The following FAM20A variants were observed in gnomAD, a reference collection of about 807,000 sequenced individuals.
FAM20A encodes the protein pseudokinase FAM20A.
Under a neutral mutation model 52.0 loss-of-function variants are expected in FAM20A, and 42 were observed. That is an observed-to-expected ratio of 0.81 (90% CI 0.63 to 1.04). The LOEUF (loss-of-function observed/expected upper bound fraction) is 1.04. FAM20A is among the 50% of genes least tolerant of loss of function. The pLI is 0.00. For missense variants in FAM20A, 742 were observed against 712.7 expected (o/e 1.04, Z -0.47); for synonymous variants, 304 against 298.9 (o/e 1.02, Z -0.18).
intron 6 of FAM20A, among the ~76,000 whole-genome samples, chr17:68,542,435 C>T (rs1336893912): frequency 1.3e-5 from 2 of 152,136 alleles, no homozygotes; most frequent in Admixed American, 1.3e-4. Flanking sequence ...GGTGGATAAC[C>T]TCTGGTTCCG....
Position 68,554,008 on chromosome 17 carries a change from A to G in FAM20A, c.640+769T>C, listed in dbSNP as rs568542844. 4.1e-5 allele frequency among the ~76,000 whole-genome samples: 3 copies of G among 72,624 alleles called. No homozygotes were observed. In the East Asian group the frequency reaches 1.1e-3, roughly 26 times the overall value. The allele number at this position is 72,624 out of a possible 152,430, so 47.6% of individuals were successfully genotyped here. On this transcript the variant is annotated intron_variant, in intron 3 of 10. Transcript: ENST00000592554. ...TATATACATATACACACATATATGCATATATACATATATACATATATACAC... is the reference window on the plus strand; with the variant it reads ...TATATACATATACACACATATATGCGTATATACATATATACATATATACAC...
intron 1 of FAM20A, among the ~76,000 whole-genome samples, chr17:68,562,007 A>C (rs2087228749): frequency 6.6e-6 from 1 of 152,086 alleles, no homozygotes; most frequent in Admixed American, 6.6e-5. Flanking sequence ...TTTTTTCAGT[A>C]GAGACGGGGT....
intron 7 of FAM20A, chr17:68,541,159 TTAA>T: frequency 1.5e-6 from 1 of 672,166 alleles, no homozygotes; most frequent in Non-Finnish European, 2.4e-6. Context: ...CCTGGGTCCT[TTAA>T]GTCTGGTGGA....
chr17:68,585,788 C>T (rs2088150233), intron 1 of FAM20A, among the ~76,000 whole-genome samples: 1 of 152,172 alleles, frequency 6.6e-6, no homozygotes, highest in African/African-American at 2.4e-5. Flanking sequence ...TGGGACATGA[C>T]TTTGGAATTT....
At chr17:68,592,514 G>C (rs2088341445) in intron 1 of FAM20A, among the ~76,000 whole-genome samples, 1 of 152,156 alleles carries the variant, frequency 6.6e-6, no homozygotes, top group Non-Finnish European at 1.5e-5. Flanking sequence ...ACAACCTGTG[G>C]AGCTCAACCT....
rs747654899 is a variant in FAM20A at position 68,550,369 on chromosome 17, C to CTTTTTTT, written c.719+1497_719+1503dup. 2.0e-4 allele frequency among the ~76,000 whole-genome samples: 16 copies of CTTTTTTT among 79,390 alleles called. 1 individual carries two copies. The highest frequency in any genetic ancestry group is 1.4e-3 in the East Asian group (3 of 2,144). 52.1% of individuals were successfully genotyped at this position (79,390 alleles called of 152,430 possible). On this transcript the variant is annotated intron_variant, in intron 4 of 10. Transcript: ENST00000592554. Reference sequence around the variant, plus strand: ...CTTTCACATAGGAAAAATGGGGGAACTTTTTTTTTTTTTTTTTTTTTTTTT... The same window carrying CTTTTTTT: ...CTTTCACATAGGAAAAATGGGGGAACTTTTTTTTTTTTTTTTTTTTTTTTTTTTTTTT...
intron 4 of FAM20A, chr17:68,551,153 T>C: frequency 8.1e-7 from 1 of 1,231,036 alleles, no homozygotes; most frequent in Non-Finnish European, 1.0e-6. Context: ...TAGGAGACCC[T>C]AACCTGTGGG....
chr17:68,565,425 G>T, intron 1 of FAM20A, among the ~76,000 whole-genome samples: 4 of 103,876 alleles, frequency 3.9e-5, no homozygotes, highest in East Asian at 2.9e-4. Flanking sequence ...ATGGAGTCTT[G>T]CTCTGTCACC....
At chr17:68,539,623 C>G (rs2086201468) in intron 9 of FAM20A, among the ~76,000 whole-genome samples, 3 of 152,246 alleles carry the variant, frequency 2.0e-5, no homozygotes, top group Non-Finnish European at 4.4e-5. Context: ...AGAGGGCCAG[C>G]CACTGAGGAT....
chr17:68,577,100 T>G (rs1413439302), intron 1 of FAM20A, among the ~76,000 whole-genome samples: 1 of 152,148 alleles, frequency 6.6e-6, no homozygotes, highest in Non-Finnish European at 1.5e-5. Context: ...AACATCTAGC[T>G]CCACACAAAT....
In FAM20A at chr17:68,539,483, A is replaced by T. The variant is rs1600516421; in HGVS notation, c.1302-87T>A. The stretch of plus-strand genomic sequence containing the variant: ...TCCTCTCTCCTCTCAGCATTTTGTG[A>T]ATCAGAGATTGGGGTAAAATGCCAG... On this transcript the variant is annotated intron_variant, in intron 9 of 10. Transcript: ENST00000592554. The T allele has an allele frequency of 6.4e-6, 8 of 1,246,446 alleles. No individual in the cohort carries two copies. The East Asian group carries it at 1.9e-4, about 29-fold the overall frequency. The allele number at this position is 1,246,446 out of a possible 1,614,324, so 77.2% of individuals were successfully genotyped here. A position where few individuals can be genotyped will look rare whatever the true frequency, so the allele number is the denominator to read the frequency against.
chr17:68,554,977 GA>G, intron 2 of FAM20A, 150 bp from the exon 3 acceptor site: 1 of 777,434 alleles, frequency 1.3e-6, no homozygotes, highest in Non-Finnish European at 2.2e-6. Flanking sequence ...AGGTCTCTTG[GA>G]GCCCAGGAGA....
At chr17:68,569,705 T>C (rs1342410740) in intron 1 of FAM20A, among the ~76,000 whole-genome samples, 1 of 152,222 alleles carries the variant, frequency 6.6e-6, no homozygotes, top group Admixed American at 6.5e-5. Context: ...AAAGTTCTAT[T>C]GGACTCAGTG....
Position 68,537,230 on chromosome 17 carries a change from C to T in FAM20A, c.*247G>A, listed in dbSNP as rs769013630. 2.9e-5 allele frequency: 19 copies of T among 652,294 alleles called. 1 individual carries two copies. Among genetic ancestry groups the T allele is most frequent in the South Asian group, 1.1e-4 (7 of 66,322 alleles). The allele number at this position is 652,294 out of a possible 1,614,324, so 40.4% of individuals were successfully genotyped here. A position where few individuals can be genotyped will look rare whatever the true frequency, so the allele number is the denominator to read the frequency against. On this transcript the variant is annotated 3_prime_UTR_variant, in exon 11 of 11. Transcript: ENST00000592554. The surrounding 1 kb of genome is among the most constrained non-coding windows in gnomAD (Gnocchi z 4.2). ...TTTCCCAGTGCACTCAGGAGATCGT[C>T]GGTGGCCTTGATGAAGCCAGTGCTT...
rs2086085865 is a variant in FAM20A at position 68,535,950 on chromosome 17, T to A, written c.*1527A>T. The A allele has an allele frequency of 2.2e-6, 1 of 454,034 alleles. No homozygotes were observed. Among genetic ancestry groups the A allele is most frequent in the East Asian group, 6.9e-5 (1 of 14,404 alleles). The allele number at this position is 454,034 out of a possible 1,614,324, so 28.1% of individuals were successfully genotyped here. On this transcript the variant is annotated 3_prime_UTR_variant, in exon 11 of 11. Transcript: ENST00000592554. ...TGCTTACTCTCTCTGAGATTTAAAGTTCTTCCATGCACATTGGAGGATGGG... is the reference window on the plus strand; with the variant it reads ...TGCTTACTCTCTCTGAGATTTAAAGATCTTCCATGCACATTGGAGGATGGG...
At chr17:68,587,972 G>A (rs1281116469) in intron 1 of FAM20A, among the ~76,000 whole-genome samples, 2 of 152,186 alleles carry the variant, frequency 1.3e-5, no homozygotes, top group African/African-American at 4.8e-5. Context: ...ATGAAAGGAA[G>A]TGCTTATGAG....
At chr17:68,596,221 A>ACC (rs1555576140) in intron 1 of FAM20A, among the ~76,000 whole-genome samples, 12 of 151,396 alleles carry the variant, frequency 7.9e-5, no homozygotes, top group African/African-American at 1.7e-4. Flanking sequence ...ACACACACAC[A>ACC]CCCCTAAGAA....
chr17:68,560,010 A>G (rs546539911), intron 1 of FAM20A, among the ~76,000 whole-genome samples: 8 of 152,290 alleles, frequency 5.3e-5, no homozygotes, highest in East Asian at 1.9e-4. Context: ...CCTAATCCCC[A>G]GTATGATAGT....
At chr17:68,599,954 C>G (rs2088564260) in intron 1 of FAM20A, among the ~76,000 whole-genome samples, 2 of 152,156 alleles carry the variant, frequency 1.3e-5, no homozygotes, top group Middle Eastern at 3.4e-3. Context: ...CGGGAGTGGA[C>G]GAGGGAGCAG....
Sources: gnomAD v4.1 joint callset for allele counts (sites outside exome capture counted in the v4.1 genomes callset) on GRCh38, gnomAD v4.1.1 for gene constraint, Gnocchi (gnomAD v3.1) non-coding constraint, MANE v1.5 for transcripts, NCBI Gene and HGNC (gene_info 2026-07-23, HGNC 2026-07-21) for gene names.